Variants in POF1B observed in about 807,000 individuals in gnomAD.
POF1B encodes POF1B actin binding protein, also known as protein POF1B.
In POF1B, 53 loss-of-function variants were observed where a neutral mutation model predicts 55.3. That is an observed-to-expected ratio of 0.96 (90% CI 0.77 to 1.20). The LOEUF (loss-of-function observed/expected upper bound fraction) is 1.20. Ranked by LOEUF, POF1B falls within the 50% of genes most tolerant of loss-of-function variation. The pLI, the probability that POF1B is intolerant of heterozygous loss-of-function variation, is 0.00. For synonymous variants in POF1B, 188 were observed against 148.3 expected (o/e 1.27, Z -1.95); for missense variants, 478 against 420.5 (o/e 1.14, Z -1.20).
chrX:85,355,772 C>T lies in POF1B; in HGVS notation c.438+3778G>A, dbSNP rs758620418. Among the ~76,000 whole-genome samples the T allele has an allele frequency of 1.3e-4, 14 of 111,695 alleles. No homozygotes were observed. The South Asian group carries it at 4.8e-3, about 39-fold the overall frequency. ...AACCACAATGAGATACCATCTCATG[C>T]CAGTTAGAATGGCAATCATTAAAAA... On this transcript the variant is annotated intron_variant, in intron 4 of 16. Transcript: ENST00000262753.
chrX:85,295,510 T>C (rs975141571), intron 15 of POF1B, among the ~76,000 whole-genome samples: 2 of 112,277 alleles, frequency 1.8e-5, no homozygotes, highest in African/African-American at 6.5e-5. Flanking sequence ...GCAAGTTGTT[T>C]AATTTCCATG....
chrX:85,365,320 T>G (rs7889190), intron 3 of POF1B, among the ~76,000 whole-genome samples: 3,341 of 111,986 alleles, frequency 0.03, 125 homozygotes, highest in African/African-American at 0.1. Flanking sequence ...TTGGAGGACA[T>G]AAGCCACTCT....
At chrX:85,378,944 A>C (rs111504295) in intron 2 of POF1B, among the ~76,000 whole-genome samples, 3 of 112,095 alleles carry the variant, frequency 2.7e-5, no homozygotes, top group African/African-American at 9.7e-5. Flanking sequence ...GAGCCTTCCT[A>C]TACTATGGTT....
chrX:85,288,016 A>G (rs1011393171), intron 15 of POF1B, among the ~76,000 whole-genome samples: 2 of 111,872 alleles, frequency 1.8e-5, no homozygotes, highest in Non-Finnish European at 3.8e-5. Context: ...TTAAGAATGG[A>G]GAAGTAAGGA....
At chrX:85,324,210 T>C (rs1357209218) in intron 7 of POF1B, among the ~76,000 whole-genome samples, 1 of 111,684 alleles carries the variant, frequency 9.0e-6, no homozygotes, top group East Asian at 2.8e-4. Flanking sequence ...AGGTGGAGAG[T>C]TCTGTAGCTA....
At chrX:85,303,793 G>A (rs1932511934) in intron 14 of POF1B, among the ~76,000 whole-genome samples, 2 of 111,210 alleles carry the variant, frequency 1.8e-5, no homozygotes, top group Admixed American at 1.9e-4. Context: ...GAAAGTTTTT[G>A]CTCTGAAAAG....
chrX:85,321,167 G>C (rs1481465567), intron 7 of POF1B, among the ~76,000 whole-genome samples: 1 of 111,675 alleles, frequency 9.0e-6, no homozygotes, highest in Admixed American at 9.5e-5. Flanking sequence ...CAATATCCTT[G>C]ATGAATATTA....
In POF1B at chrX:85,352,533, G is replaced by A. The variant is rs750507397; in HGVS notation, c.439-1082C>T. 6.7e-4 allele frequency among the ~76,000 whole-genome samples: 75 copies of A among 111,541 alleles called. 2 individuals carry two copies. The highest frequency in any genetic ancestry group is 8.5e-4 in the Non-Finnish European group (45 of 52,740). On this transcript the variant is annotated intron_variant, in intron 4 of 16. Coordinates refer to ENST00000262753, the MANE Select transcript of POF1B (RefSeq NM_024921.4). ...TATTGTATTCAAGTTTGAGCAAAAGGTGTTTCAACCAAATGTTCCTTGGGG... is the reference window on the plus strand; with the variant it reads ...TATTGTATTCAAGTTTGAGCAAAAGATGTTTCAACCAAATGTTCCTTGGGG...
intron 2 of POF1B, among the ~76,000 whole-genome samples, chrX:85,377,125 G>T (rs966092344): frequency 1.8e-5 from 2 of 111,628 alleles, no homozygotes; most frequent in African/African-American, 6.5e-5. Context: ...AACATAAAGT[G>T]AATTAAGGGT....
intron 6 of POF1B, among the ~76,000 whole-genome samples, chrX:85,338,947 G>T (rs1256050553): frequency 9.0e-6 from 1 of 111,443 alleles, no homozygotes; most frequent in African/African-American, 3.3e-5. Context: ...TTGGAGCTGA[G>T]AAAGTTTTGG....
In POF1B at chrX:85,303,401, A is replaced by C. The variant is rs774789554; in HGVS notation, c.1649+5T>G. 36 of 1,090,890 alleles carry C rather than the reference A, an allele frequency of 3.3e-5. No individual in the cohort carries two copies. The highest frequency in any genetic ancestry group is 4.4e-5 in the Non-Finnish European group (35 of 802,817). 89.9% of individuals were successfully genotyped at this position (1,090,890 alleles called of 1,213,427 possible). A position where few individuals can be genotyped will look rare whatever the true frequency, so the allele number is the denominator to read the frequency against. On this transcript the variant is annotated splice_donor_5th_base_variant and intron_variant, in intron 15 of 16. Transcript: ENST00000262753. ...ATATTCAAATTTCATTTAAAAATAC[A>C]TTACTTTTTAGTGGTAATAGTAGTC...
chrX:85,311,758 C>T (rs774821460), intron 9 of POF1B, among the ~76,000 whole-genome samples: 4 of 110,709 alleles, frequency 3.6e-5, no homozygotes, highest in East Asian at 2.8e-4. Flanking sequence ...CTTGAGGAAG[C>T]GCCACACTGG....
intron 2 of POF1B, among the ~76,000 whole-genome samples, chrX:85,369,047 T>C (rs1247738593): frequency 1.8e-5 from 2 of 112,099 alleles, no homozygotes; most frequent in African/African-American, 6.5e-5. Flanking sequence ...TTACTCAAAC[T>C]GCCAAATGTT....
At chrX:85,361,014 A>G (rs1203188421) in intron 3 of POF1B, among the ~76,000 whole-genome samples, 1 of 111,365 alleles carries the variant, frequency 9.0e-6, no homozygotes, top group African/African-American at 3.3e-5. Flanking sequence ...TGTTGGTTAC[A>G]TGTATGGCTT....
At chrX:85,325,849 T>G (rs1847923308) in intron 7 of POF1B, among the ~76,000 whole-genome samples, 2 of 111,559 alleles carry the variant, frequency 1.8e-5, no homozygotes, top group Admixed American at 9.5e-5. Context: ...GGTTGGTTAT[T>G]TTTTTTCTTT....
At chrX:85,333,082 AT>A (rs1933007274) in intron 6 of POF1B, among the ~76,000 whole-genome samples, 1 of 110,586 alleles carries the variant, frequency 9.0e-6, no homozygotes, top group African/African-American at 3.3e-5. Context: ...ACATAATTTT[AT>A]TTTTTTCCCA....
intron 9 of POF1B, among the ~76,000 whole-genome samples, chrX:85,310,616 T>C (rs1270468558): frequency 2.7e-5 from 3 of 112,193 alleles, no homozygotes; most frequent in African/African-American, 9.7e-5. Context: ...ACCACATATC[T>C]AGCTTTCATG....
chrX:85,345,658 A>C (rs1603061976), intron 6 of POF1B, among the ~76,000 whole-genome samples: 1 of 111,439 alleles, frequency 9.0e-6, no homozygotes, highest in Non-Finnish European at 1.9e-5. Flanking sequence ...TCATAGATTT[A>C]ATGTCTTAAT....
intron 5 of POF1B, among the ~76,000 whole-genome samples, chrX:85,349,352 A>G (rs1325415141): frequency 9.0e-6 from 1 of 111,377 alleles, no homozygotes; most frequent in Non-Finnish European, 1.9e-5. Flanking sequence ...TGATTTGCAT[A>G]TGAAAAAAAT....
Sources: gnomAD v4.1 joint callset for allele counts (sites outside exome capture counted in the v4.1 genomes callset) on GRCh38, gnomAD v4.1.1 for gene constraint, MANE v1.5 for transcripts, NCBI Gene and HGNC (gene_info 2026-07-23, HGNC 2026-07-21) for gene names.